Variants in FRMD6 observed in about 807,000 individuals in gnomAD.
FRMD6 encodes the protein FERM domain-containing protein 6.
FRMD6 carries 37 observed loss-of-function variants against 73.2 expected under a neutral mutation model. The observed-to-expected ratio is 0.51, with a 90% confidence interval of 0.39 to 0.66. The LOEUF (loss-of-function observed/expected upper bound fraction) is 0.66. Ranked by LOEUF, FRMD6 falls within the 30% of genes least tolerant of loss-of-function variation. The pLI, the probability that FRMD6 is intolerant of heterozygous loss-of-function variation, is 0.00. For synonymous variants in FRMD6, 273 were observed against 282.2 expected, an observed-to-expected ratio of 0.97 and a Z score of 0.33; for missense variants, 714 against 780.5, an observed-to-expected ratio of 0.91 and a Z score of 1.02.
intron 2 of FRMD6, among the ~76,000 whole-genome samples, chr14:51,617,046 A>G (rs1326006184): frequency 6.6e-6 from 1 of 152,224 alleles, no homozygotes. Flanking sequence ...TTGTCATACA[A>G]AGCTTCTATT....
At chr14:51,550,000 A>G (rs1240138155) in intron 1 of FRMD6, among the ~76,000 whole-genome samples, 1 of 152,114 alleles carries the variant, frequency 6.6e-6, no homozygotes, top group Non-Finnish European at 1.5e-5. Flanking sequence ...TAATTTTTGC[A>G]TATTTTTAAA....
At chr14:51,652,153 A>G (rs778228786) in intron 1 of FRMD6, 157 bp downstream of exon 1, 2 of 152,166 alleles carry the variant, frequency 1.3e-5, no homozygotes, top group Non-Finnish European at 2.9e-5. Context: ...AAGGCAGTGC[A>G]CCGCTCTCCG....
At chr14:51,523,293 G>A (rs73285047) in intron 1 of FRMD6, among the ~76,000 whole-genome samples, 8,010 of 152,142 alleles carry the variant, frequency 0.053, 405 homozygotes, top group African/African-American at 0.13. Context: ...GAATGATTTT[G>A]TGAAAATAAA....
chr14:51,428,976 C>CAGAGGGGAGAGAGAGGTTGAGAGAG, the FRMD6 span, among the ~76,000 whole-genome samples: 2 of 54,968 alleles, frequency 3.6e-5, no homozygotes, highest in Admixed American at 2.1e-4. Flanking sequence ...GGGTGAGAGA[C>CAGAGGGGAGAGAGAGGTTGAGAGAG]AGAGGGGAGA....
chr14:51,686,752 T>C (rs1314513562), intron 1 of FRMD6, among the ~76,000 whole-genome samples: 1 of 152,150 alleles, frequency 6.6e-6, no homozygotes, highest in Non-Finnish European at 1.5e-5. Context: ...AGATTTAGTT[T>C]AGGATACAAA....
At chr14:51,440,509 C>T in the FRMD6 span, among the ~76,000 whole-genome samples, 2 of 152,168 alleles carry the variant, frequency 1.3e-5, no homozygotes, top group Non-Finnish European at 2.9e-5. Context: ...TCCAACTTCC[C>T]TTGTCCTAAC....
chr14:51,628,877 C>CTTTTTTTTTTTTTTTTTTT (rs371915919), intron 2 of FRMD6, among the ~76,000 whole-genome samples: 2 of 95,304 alleles, frequency 2.1e-5, no homozygotes, highest in African/African-American at 4.1e-5. Context: ...CTTTTCTTTT[C>CTTTTTTTTTTTTTTTTTTT]TTTTTTTTTT....
chr14:51,583,416 C>T (rs569844251), intron 2 of FRMD6, among the ~76,000 whole-genome samples: 65 of 152,262 alleles, frequency 4.3e-4, no homozygotes, highest in African/African-American at 1.4e-3. Context: ...CTTGGGGAGA[C>T]ATTATCTACA....
chr14:51,607,237 A>C (rs1890297627), intron 2 of FRMD6, among the ~76,000 whole-genome samples: 1 of 152,276 alleles, frequency 6.6e-6, no homozygotes. Flanking sequence ...GGAGAATGGA[A>C]GAAAGGGGTG....
At chr14:51,628,413 A>T (rs948608091) in intron 2 of FRMD6, among the ~76,000 whole-genome samples, 1 of 152,202 alleles carries the variant, frequency 6.6e-6, no homozygotes, top group Non-Finnish European at 1.5e-5. Context: ...GTTTGAGAAC[A>T]TTTCCAACAT....
intron 2 of FRMD6, among the ~76,000 whole-genome samples, chr14:51,589,076 G>A (rs41534447): frequency 0.05 from 7,547 of 152,228 alleles, 251 homozygotes; most frequent in Middle Eastern, 0.085. Flanking sequence ...ATGGAGAGCT[G>A]AAAAATGACA....
chr14:51,432,913 C>T, the FRMD6 span, among the ~76,000 whole-genome samples: 4 of 152,164 alleles, frequency 2.6e-5, no homozygotes, highest in Non-Finnish European at 2.9e-5. Context: ...GCTTTGCTTT[C>T]GTGAGCAGAC....
At position 51,656,100 on chromosome 14, in the gene FRMD6, A is replaced by G. The variant is rs180834467; in HGVS notation, c.-147+4104A>G. On this transcript the variant is annotated intron_variant, in intron 1 of 13. Transcript: ENST00000344768. The stretch of plus-strand genomic sequence containing the variant: ...ATGAAGTTTTAGGTAGAAACAAGCA[A>G]TCTGTGCTTCTCATTACTTTATGCG... 1.0e-3 allele frequency among the ~76,000 whole-genome samples: 157 copies of G among 152,368 alleles called. 2 individuals are homozygous for G. Among genetic ancestry groups the G allele is most frequent in the African/African-American group, 3.6e-3 (149 of 41,584 alleles).
At chr14:51,721,770 G>GGAAGGAGGGAAGGAAGGAAGGAGA (rs1897629752) in intron 11 of FRMD6, among the ~76,000 whole-genome samples, 179 bp from the exon 12 acceptor site, 1 of 141,474 alleles carries the variant, frequency 7.1e-6, no homozygotes, top group Admixed American at 7.0e-5. Context: ...AGGGAAGGAG[G>GGAAGGAGGGAAGGAAGGAAGGAGA]GAAGGAGTAA....
chr14:51,474,784 G>A, the FRMD6 span, among the ~76,000 whole-genome samples: 7 of 152,208 alleles, frequency 4.6e-5, no homozygotes, highest in South Asian at 4.1e-4. Flanking sequence ...AGAGGTGGGC[G>A]AACAAAAATG....
intron 2 of FRMD6, among the ~76,000 whole-genome samples, chr14:51,586,770 A>T (rs1889075723): frequency 1.3e-5 from 2 of 151,742 alleles, no homozygotes; most frequent in South Asian, 4.2e-4. Flanking sequence ...TGGACATGGC[A>T]TCTTGCTCTG....
chr14:51,685,897 T>C (rs1379441039), intron 1 of FRMD6, among the ~76,000 whole-genome samples: 1 of 152,222 alleles, frequency 6.6e-6, no homozygotes, highest in Non-Finnish European at 1.5e-5. Flanking sequence ...AAATGTGTGA[T>C]GATTAAATTA....
intron 10 of FRMD6, among the ~76,000 whole-genome samples, chr14:51,718,517 G>T (rs947672579): frequency 2.6e-5 from 4 of 152,212 alleles, no homozygotes; most frequent in Non-Finnish European, 5.9e-5. Context: ...CATGGCTATT[G>T]CTGTGAAACC....
At chr14:51,568,034 G>C (rs1887873923) in intron 1 of FRMD6, among the ~76,000 whole-genome samples, 1 of 152,254 alleles carries the variant, frequency 6.6e-6, no homozygotes, top group African/African-American at 2.4e-5. Context: ...GTTAACATCT[G>C]TAGGCATCTT....
Sources: gnomAD v4.1 joint callset for allele counts (sites outside exome capture counted in the v4.1 genomes callset) on GRCh38, gnomAD v4.1.1 for gene constraint, MANE v1.5 for transcripts, NCBI Gene and HGNC (gene_info 2026-07-23, HGNC 2026-07-21) for gene names.